Variants in TGM1 observed in about 807,000 individuals in gnomAD.
TGM1 encodes protein-glutamine gamma-glutamyltransferase K.
In TGM1, 63 loss-of-function variants were observed where a neutral mutation model predicts 88.7. That is an observed-to-expected ratio of 0.71 (90% CI 0.58 to 0.88). TGM1 has a LOEUF of 0.88. TGM1 is among the 40% of genes least tolerant of loss of function. The probability of loss-of-function intolerance (pLI) is 0.00; values close to 1 mark genes in which losing one functional copy is unlikely to be tolerated. For synonymous variants in TGM1, 415 were observed against 431.1 expected, an observed-to-expected ratio of 0.96 and a Z score of 0.46; for missense variants, 996 against 1,118.0, an observed-to-expected ratio of 0.89 and a Z score of 1.56.
intron 1 of TGM1, 118 bp from the exon 2 acceptor site, chr14:24,262,472 G>T: frequency 9.0e-7 from 1 of 1,113,782 alleles, no homozygotes; most frequent in Non-Finnish European, 1.3e-6. Flanking sequence ...ATCCCACCTT[G>T]GCCCAGAGAT....
chr14:24,260,143 T>G (rs1367966176), intron 4 of TGM1, 85 bp from the exon 5 acceptor site: 2 of 1,267,524 alleles, frequency 1.6e-6, no homozygotes, highest in Non-Finnish European at 2.3e-6. Flanking sequence ...GCAGGACTCA[T>G]GTCCACAGAA....
chr14:24,258,824 G>A, intron 7 of TGM1, 151 bp from the exon 8 acceptor site: 2 of 1,270,444 alleles, frequency 1.6e-6, no homozygotes, highest in Non-Finnish European at 2.2e-6. Context: ...AGGCCTTTGG[G>A]CTACAGAGCA....
At chr14:24,253,450 G>A (rs375315894) in intron 14 of TGM1, among the ~76,000 whole-genome samples, 2 of 151,828 alleles carry the variant, frequency 1.3e-5, no homozygotes, top group South Asian at 2.1e-4. Flanking sequence ...GTGTCTCTGT[G>A]TGTGTGTGTG....
intron 14 of TGM1, 123 bp downstream of exon 14, chr14:24,254,029 C>CA: frequency 7.0e-7 from 1 of 1,435,308 alleles, no homozygotes; most frequent in African/African-American, 1.4e-5. Flanking sequence ...TGGCCCCAAC[C>CA]TGCTTGGTTG....
chr14:24,254,326 C>A, intron 13 of TGM1, 38 bp from the exon 14 acceptor site: 1 of 1,613,704 alleles, frequency 6.2e-7, no homozygotes, highest in Non-Finnish European at 8.5e-7. Context: ...CGTCAGAGAC[C>A]CTGGCCAAAC....
Position 24,255,615 on chromosome 14 carries a change from A to C in TGM1, c.1492-98T>G. On this transcript the variant is annotated intron_variant, in intron 10 of 14. Transcript: ENST00000206765. The surrounding 1 kb of genome is among the most constrained non-coding windows in gnomAD (Gnocchi z 4.0). ...CCCCTGATCCCAGGAGCTATGGGAC[A>C]GGGCTTGGTCCCAAGGGTGGGAGCT... 1 of 1,527,878 alleles carries C rather than the reference A, an allele frequency of 6.5e-7. No individual in the cohort carries two copies. The highest frequency in any genetic ancestry group is 9.0e-7 in the Non-Finnish European group (1 of 1,114,450). 94.6% of individuals were successfully genotyped at this position (1,527,878 alleles called of 1,614,324 possible).
In TGM1 at chr14:24,262,038, G is replaced by A. The variant is rs763033733; in HGVS notation, c.315C>T (p.Ile105=). The A allele has an allele frequency of 1.2e-6, 2 of 1,613,542 alleles. No individual in the cohort carries two copies. The highest frequency in any genetic ancestry group is 1.1e-5 in the South Asian group (1 of 91,082). ...AGGAGGACAGACCGGCCTCACCTCGGATGGTGCCATCTCCAGCTGCATTGA... is the reference window on the plus strand; with the variant it reads ...AGGAGGACAGACCGGCCTCACCTCGAATGGTGCCATCTCCAGCTGCATTGA... ...SGVNAAGDGT[I]REGMLVVNGV... is the part of the protein sequence containing the mutation. Residue 105 remains isoleucine (I), a synonymous_variant, in exon 2 of 15, where the codon ATC becomes ATT. Transcript: ENST00000206765.
Position 24,263,144 on chromosome 14 carries a change from T to A in TGM1, c.-58A>T, listed in dbSNP as rs921141225. 2.6e-5 allele frequency: 4 copies of A among 152,810 alleles called. No individual in the cohort carries two copies. Among genetic ancestry groups the A allele is most frequent in the African/African-American group, 9.7e-5 (4 of 41,392 alleles). 9.5% of individuals were successfully genotyped at this position (152,810 alleles called of 1,614,324 possible). ...AGTCCTGGGGCTGAGATGGAACAGG[T>A]CAGGATGGATGGGACAGGACCCACA... On this transcript the variant is annotated 5_prime_UTR_variant, in exon 1 of 15. Coordinates refer to ENST00000206765, the MANE Select transcript of TGM1 (RefSeq NM_000359.3).
At position 24,259,289 on chromosome 14, in the gene TGM1, G is replaced by A. The variant is rs1296878573; in HGVS notation, c.985-40C>T. 2 of 1,580,776 alleles carry A rather than the reference G, an allele frequency of 1.3e-6. No homozygotes were observed. The highest frequency in any genetic ancestry group is 1.7e-6 in the Non-Finnish European group (2 of 1,161,952). On this transcript the variant is annotated intron_variant, in intron 6 of 14. Coordinates refer to ENST00000206765, the MANE Select transcript of TGM1 (RefSeq NM_000359.3). This position sits in a 1 kb window ranked among gnomAD's most constrained non-coding sequence, Gnocchi z 5.7. ...ATGAGATAGGGCGGAGGTGGAGGAG[G>A]GGCTCAGGACCTGCCATGTGGTCCA...
In TGM1 at chr14:24,255,740, C is replaced by G. The variant is rs1428592514; in HGVS notation, c.1492-223G>C. On this transcript the variant is annotated intron_variant, in intron 10 of 14. Coordinates refer to ENST00000206765, the MANE Select transcript of TGM1 (RefSeq NM_000359.3). This position sits in a 1 kb window ranked among gnomAD's most constrained non-coding sequence, Gnocchi z 4.0. ...GGAGGCTCCTGGCAGAGCACTTTGG[C>G]AATATCAGTAATCCCTCACACTCAA... Among the ~76,000 whole-genome samples, 1 of 152,170 alleles carries G rather than the reference C, an allele frequency of 6.6e-6. No homozygotes were observed.
In TGM1 at chr14:24,258,518, A is replaced by G; in HGVS notation, c.1298+17T>C. 1.3e-6 allele frequency: 2 copies of G among 1,554,804 alleles called. No individual in the cohort carries two copies. The highest frequency in any genetic ancestry group is 1.7e-6 in the Non-Finnish European group (2 of 1,145,552). On this transcript the variant is annotated intron_variant, in intron 8 of 14. Transcript: ENST00000206765. ...TCACCATTCTTCAGCACAGATGGGCAGTCCACCCCAGCTCACCAGACAGAA... is the reference window on the plus strand; with the variant it reads ...TCACCATTCTTCAGCACAGATGGGCGGTCCACCCCAGCTCACCAGACAGAA...
rs1029779192 is a variant in TGM1 at position 24,255,560 on chromosome 14, T to C, written c.1492-43A>G. 3.1e-6 allele frequency: 5 copies of C among 1,610,498 alleles called. No individual in the cohort carries two copies. The African/African-American group carries it at 6.7e-5, about 22-fold the overall frequency. The stretch of plus-strand genomic sequence containing the variant: ...GAGCAGGAATGAGTGAGCCAGAGGG[T>C]CTGAGGGTGGCCTGACTCCCGGCCT... On this transcript the variant is annotated intron_variant, in intron 10 of 14. Transcript: ENST00000206765. This position sits in a 1 kb window ranked among gnomAD's most constrained non-coding sequence, Gnocchi z 4.0.
In TGM1 at chr14:24,259,845, C is replaced by G; in HGVS notation, c.877-34G>C. On this transcript the variant is annotated intron_variant, in intron 5 of 14. Transcript: ENST00000206765. The surrounding 1 kb of genome is among the most constrained non-coding windows in gnomAD (Gnocchi z 5.7). The stretch of plus-strand genomic sequence containing the variant: ...AGGGATGGAGGGCAGAGGTGACAGC[C>G]TGAACCCTAGGCCAGCACCCTGCTC... The G allele has an allele frequency of 6.2e-7, 1 of 1,611,202 alleles. No individual in the cohort carries two copies. The highest frequency in any genetic ancestry group is 8.5e-7 in the Non-Finnish European group (1 of 1,178,346).
chr14:24,262,815 G>A (rs2040825963), intron 1 of TGM1, among the ~76,000 whole-genome samples: 1 of 152,222 alleles, frequency 6.6e-6, no homozygotes, highest in Admixed American at 6.5e-5. Context: ...CCAACTCAAG[G>A]TTCCTCACAA....
Position 24,261,753 on chromosome 14 carries a change from G to T in TGM1, c.450C>A (p.Leu150=), listed in dbSNP as rs1326215578. 6.2e-7 allele frequency: 1 copy of T among 1,614,118 alleles called. No homozygotes were observed. The highest frequency in any genetic ancestry group is 1.1e-5 in the South Asian group (1 of 91,086). The part of the protein sequence containing the change: ...IVRRGQPFHM[L]LLLSRTYESS... ...ATTCATAGGTCCGGGACAGGAGGAG[G>T]AGCATATGGAAAGGCTGCCCGCGGC... The change falls in exon 3 of 15, where the codon CTC becomes CTA. Residue 150 remains leucine, a synonymous_variant. Transcript: ENST00000206765.
intron 14 of TGM1, among the ~76,000 whole-genome samples, chr14:24,250,449 A>G (rs2040692437): frequency 6.6e-6 from 1 of 152,064 alleles, no homozygotes; most frequent in Non-Finnish European, 1.5e-5. Flanking sequence ...AACTTGACAC[A>G]CAGGCTCACT....
At position 24,249,213 on chromosome 14, in the gene TGM1, TCCCCACC is replaced by T; in HGVS notation, c.*93_*99del. On this transcript the variant is annotated 3_prime_UTR_variant, in exon 15 of 15. Transcript: ENST00000206765. ...GACTCCCCCTCCGGGAGCCCTGGAC[TCCCCACC>T]TGAGCTCCTGGGGAGCTGCTCTGTA... 1 of 710,494 alleles carries T rather than the reference TCCCCACC, an allele frequency of 1.4e-6. No homozygotes were observed. Among genetic ancestry groups the T allele is most frequent in the East Asian group, 2.9e-5 (1 of 34,688 alleles). 44.0% of individuals were successfully genotyped at this position (710,494 alleles called of 1,614,324 possible). A position where few individuals can be genotyped will look rare whatever the true frequency, so the allele number is the denominator to read the frequency against.
rs748892991 is a variant in TGM1 at position 24,254,664 on chromosome 14, C to T, written c.2088G>A (p.Thr696=). 18 of 1,613,680 alleles carry T rather than the reference C, an allele frequency of 1.1e-5. No individual in the cohort carries two copies. Among genetic ancestry groups the T allele is most frequent in the East Asian group, 8.9e-5 (4 of 44,902 alleles). The change falls in exon 13 of 15, where the codon ACG becomes ACA. Residue 696 remains threonine (T), a splice_region_variant and synonymous_variant. Transcript: ENST00000206765. The part of the protein sequence containing the change: ...FRLRTPDLSL[T]LLGAAVVGQE... ...TCATGCCCCAGCAAACTGCATTCAC[C>T]GTGAGGGAGAGGTCTGGGGTGCGCA... is the stretch of plus-strand genomic sequence containing the variant.
chr14:24,258,603 G>A lies in TGM1; in HGVS notation c.1230C>T (p.Ser410=). ...NFNSAHDTDT[S]LTMDIYFDEN... ...CGTCGAAGTAGATGTCCATGGTAAG[G>A]GATGTGTCTGTGTCGTGGGCGGAGT... The change falls in exon 8 of 15, where the codon TCC becomes TCT. Residue 410 remains serine, a synonymous_variant. Transcript: ENST00000206765. The A allele has an allele frequency of 6.2e-7, 1 of 1,614,228 alleles. No homozygotes were observed. The highest frequency in any genetic ancestry group is 1.3e-5 in the African/African-American group (1 of 75,054).
Sources: gnomAD v4.1 joint callset for allele counts (sites outside exome capture counted in the v4.1 genomes callset) on GRCh38, gnomAD v4.1.1 for gene constraint, Gnocchi (gnomAD v3.1) non-coding constraint, MANE v1.5 for transcripts, NCBI Gene and HGNC (gene_info 2026-07-23, HGNC 2026-07-21) for gene names.